Variants in IGSF10 observed in about 807,000 individuals in gnomAD.
IGSF10 encodes the protein immunoglobulin superfamily member 10, also known as calvaria mechanical force protein 608.
IGSF10 carries 126 observed loss-of-function variants against 128.2 expected under a neutral mutation model. The ratio of observed to expected loss-of-function variants is 0.98; its 90% confidence interval spans 0.85 to 1.14. The LOEUF (loss-of-function observed/expected upper bound fraction) is 1.14. IGSF10 is among the 50% of genes most tolerant of loss of function. IGSF10 has a pLI of 0.00. For synonymous variants in IGSF10, 1,185 were observed against 1,146.2 expected (o/e 1.03, Z -0.68); for missense variants, 3,295 against 3,149.8 (o/e 1.05, Z -1.10).
chr3:151,607,438 C>T, the IGSF10 span, among the ~76,000 whole-genome samples: 1 of 151,800 alleles, frequency 6.6e-6, no homozygotes, highest in Admixed American at 6.6e-5. Context: ...GTGCCCTGTC[C>T]ACACCTTGGG....
chr3:151,519,636 T>G, the IGSF10 span, among the ~76,000 whole-genome samples: 1 of 151,754 alleles, frequency 6.6e-6, no homozygotes, highest in South Asian at 2.1e-4. Flanking sequence ...GAATGATAAC[T>G]AATAGACATC....
chr3:151,542,983 G>A, the IGSF10 span, among the ~76,000 whole-genome samples: 1 of 152,020 alleles, frequency 6.6e-6, no homozygotes, highest in African/African-American at 2.4e-5. Context: ...ACCAATTCTA[G>A]ACATCGTCTA....
At position 151,437,419 on chromosome 3, in the gene IGSF10, T is replaced by C. The variant is rs761396393; in HGVS notation, c.7142A>G (p.Asn2381Ser). The part of the protein sequence containing the change: ...WILPNGTRFS[N>S]GPQSYQYLIA... The stretch of plus-strand genomic sequence containing the variant: ...CAGATACTGATAACTTTGTGGTCCA[T>C]TGGAAAATCGTGTGCCATTTGGTAA... The change falls in exon 8 of 8, where the codon AAT becomes AGT. Residue 2381 changes from asparagine (N) to serine (S), a missense_variant. Coordinates refer to ENST00000282466, the MANE Select transcript of IGSF10 (RefSeq NM_178822.5). The C allele has an allele frequency of 2.5e-6, 4 of 1,614,074 alleles. No homozygotes were observed. Among genetic ancestry groups the C allele is most frequent in the East Asian group, 2.2e-5 (1 of 44,894 alleles).
chr3:151,525,769 T>A, the IGSF10 span, among the ~76,000 whole-genome samples: 1 of 151,882 alleles, frequency 6.6e-6, no homozygotes, highest in African/African-American at 2.4e-5. Context: ...CCCAATCTCT[T>A]TTAAGGGGTT....
chr3:151,458,435 C>G, intron 3 of IGSF10, 81 bp downstream of exon 3: 26 of 1,008,020 alleles, frequency 2.6e-5, no homozygotes, highest in Non-Finnish European at 3.5e-5. Context: ...ATTCATCTCC[C>G]AAAGTCATAG....
At chr3:151,449,389 T>C in intron 5 of IGSF10, 124 bp from the exon 6 acceptor site, 1 of 913,378 alleles carries the variant, frequency 1.1e-6, no homozygotes, top group Non-Finnish European at 1.6e-6. Context: ...CAATGGAAAG[T>C]TTTCTGATTT....
intron 5 of IGSF10, among the ~76,000 whole-genome samples, chr3:151,452,498 T>C (rs1007091493): frequency 2.0e-5 from 3 of 152,306 alleles, no homozygotes; most frequent in Admixed American, 6.5e-5. Context: ...TAGGCAATAG[T>C]TTTATTTCAC....
chr3:151,619,430 ATGTGTGTGTGTGTG>A, the IGSF10 span, among the ~76,000 whole-genome samples: 10 of 144,238 alleles, frequency 6.9e-5, no homozygotes, highest in East Asian at 2.0e-4. Context: ...ATTACTTTTA[ATGTGTGTGTGTGTG>A]TGTGTGTGTG....
At chr3:151,494,655 T>C in the IGSF10 span, among the ~76,000 whole-genome samples, 1 of 152,140 alleles carries the variant, frequency 6.6e-6, no homozygotes, top group Non-Finnish European at 1.5e-5. Context: ...ACTTACAAGG[T>C]AATTATCACT....
At chr3:151,609,123 T>C in the IGSF10 span, among the ~76,000 whole-genome samples, 1 of 152,050 alleles carries the variant, frequency 6.6e-6, no homozygotes, top group African/African-American at 2.4e-5. Context: ...GAAGGTAAAA[T>C]AAGCCAGCCA....
At position 151,447,233 on chromosome 3, in the gene IGSF10, G is replaced by T. The variant is rs1560177482; in HGVS notation, c.2748C>A (p.Phe916Leu). The change falls in exon 6 of 8, where the codon TTC (phenylalanine) becomes TTA (leucine). Residue 916 changes from phenylalanine (F) to leucine (L), a missense_variant. Physicochemically the swap from Phe to Leu is conservative, Grantham distance 22. Coordinates refer to ENST00000282466, the MANE Select transcript of IGSF10 (RefSeq NM_178822.5). Reference sequence around the variant, plus strand: ...TTACTGTTATTGGGGGTCTACTTTGGAAATGCTCTCTTCCTCTTCCCATCT... The same window carrying T: ...TTACTGTTATTGGGGGTCTACTTTGTAAATGCTCTCTTCCTCTTCCCATCT... ...SDQMGRGREH[F>L]QSRPPITVRT... 6.2e-7 allele frequency: 1 copy of T among 1,614,164 alleles called. No individual in the cohort carries two copies. The highest frequency in any genetic ancestry group is 8.5e-7 in the Non-Finnish European group (1 of 1,180,028).
the IGSF10 span, among the ~76,000 whole-genome samples, chr3:151,551,603 A>C: frequency 1.3e-5 from 2 of 152,174 alleles, no homozygotes; most frequent in African/African-American, 4.8e-5. Flanking sequence ...GTCAAATACA[A>C]GAAATAATTT....
At chr3:151,441,819 T>C (rs1334611250) in intron 7 of IGSF10, among the ~76,000 whole-genome samples, 1 of 152,184 alleles carries the variant, frequency 6.6e-6, no homozygotes, top group Non-Finnish European at 1.5e-5. Flanking sequence ...CCCAGCACTT[T>C]GGGAGGCTAA....
the IGSF10 span, among the ~76,000 whole-genome samples, chr3:151,551,887 C>A: frequency 3.3e-5 from 5 of 152,204 alleles, no homozygotes; most frequent in South Asian, 1.0e-3. Context: ...CTAGTCTTAG[C>A]TGTGATTCAA....
In IGSF10 at chr3:151,438,277, C is replaced by A. The variant is rs908711998; in HGVS notation, c.6284G>T (p.Arg2095Ile). 1 of 1,614,198 alleles carries A rather than the reference C, an allele frequency of 6.2e-7. No homozygotes were observed. Among genetic ancestry groups the A allele is most frequent in the Non-Finnish European group, 8.5e-7 (1 of 1,180,026 alleles). ...QADDSGHRTR[R>I]YTLFNNGTLY... Reference sequence around the variant, plus strand: ...AGTTCCATTGTTGAAAAGGGTATATCTCCTAGTCCTGTGGCCACTGTCATC... The same window carrying A: ...AGTTCCATTGTTGAAAAGGGTATATATCCTAGTCCTGTGGCCACTGTCATC... The change falls in exon 8 of 8, where the codon AGA (arginine) becomes ATA (isoleucine). Residue 2095 changes from arginine (R) to isoleucine (I), a missense_variant. Transcript: ENST00000282466.
the IGSF10 span, among the ~76,000 whole-genome samples, chr3:151,593,552 G>A: frequency 6.6e-6 from 1 of 151,574 alleles, no homozygotes; most frequent in Admixed American, 6.6e-5. Flanking sequence ...TTTCACCAAT[G>A]GTTGTACCTA....
the IGSF10 span, among the ~76,000 whole-genome samples, chr3:151,492,250 T>A: frequency 6.6e-6 from 1 of 152,118 alleles, no homozygotes; most frequent in Non-Finnish European, 1.5e-5. Context: ...CCAACAGGTA[T>A]ATAAAGAGGT....
At chr3:151,537,246 A>G in the IGSF10 span, among the ~76,000 whole-genome samples, 1 of 152,158 alleles carries the variant, frequency 6.6e-6, no homozygotes, top group Non-Finnish European at 1.5e-5. Context: ...CTCAATACGT[A>G]TAGCACTGAG....
chr3:151,473,678 T>C, the IGSF10 span, among the ~76,000 whole-genome samples: 424 of 152,282 alleles, frequency 2.8e-3, 3 homozygotes, highest in South Asian at 9.5e-3. Context: ...TGTGCAGATT[T>C]ATGGATGAAC....
Sources: gnomAD v4.1 joint callset for allele counts (sites outside exome capture counted in the v4.1 genomes callset) on GRCh38, gnomAD v4.1.1 for gene constraint, MANE v1.5 for transcripts, NCBI Gene and HGNC (gene_info 2026-07-23, HGNC 2026-07-21) for gene names.